Variants in ADAM22 observed in about 807,000 individuals in gnomAD.
The protein encoded by ADAM22 is ADAM metallopeptidase domain 22.
ADAM22 carries 65 observed loss-of-function variants against 144.6 expected under a neutral mutation model. The ratio of observed to expected loss-of-function variants is 0.45; its 90% CI spans 0.37 to 0.55. The LOEUF (loss-of-function observed/expected upper bound fraction) is 0.55. ADAM22 is among the 20% of genes least tolerant of loss of function. The pLI is 0.00. For missense variants in ADAM22, 974 were observed against 1,184.9 expected (o/e 0.82, Z 2.61); for synonymous variants, 391 against 412.6 (o/e 0.95, Z 0.63).
chr7:88,101,042 C>T (rs2129486556), intron 4 of ADAM22, among the ~76,000 whole-genome samples: 1 of 150,992 alleles, frequency 6.6e-6, no homozygotes, highest in South Asian at 2.1e-4. Flanking sequence ...GCCGTTAGTT[C>T]CTGCAAGGTG....
At chr7:88,100,150 A>G (rs1822528207) in intron 4 of ADAM22, among the ~76,000 whole-genome samples, 1 of 152,200 alleles carries the variant, frequency 6.6e-6, no homozygotes, top group South Asian at 2.1e-4. Context: ...CATCTTTGCA[A>G]CTTTTCTGTG....
intron 14 of ADAM22, among the ~76,000 whole-genome samples, chr7:88,137,341 T>C (rs531320149): frequency 3.7e-4 from 56 of 152,322 alleles, no homozygotes; most frequent in South Asian, 1.5e-3. Context: ...ACTTCATTAT[T>C]TAGATGCCCA....
intron 7 of ADAM22, among the ~76,000 whole-genome samples, chr7:88,122,524 T>G (rs896955884): frequency 3.9e-5 from 6 of 152,132 alleles, no homozygotes; most frequent in Non-Finnish European, 8.8e-5. Flanking sequence ...CAAAATACAT[T>G]CTCTTCCTCC....
intron 9 of ADAM22, 121 bp from the exon 10 acceptor site, chr7:88,130,267 G>T: frequency 8.4e-6 from 6 of 716,238 alleles, no homozygotes; most frequent in Non-Finnish European, 1.3e-5. Flanking sequence ...CATTTTTACA[G>T]AAAAGATTTT....
At chr7:88,142,911 G>C (rs948378883) in intron 14 of ADAM22, 115 bp from the exon 15 acceptor site, 15 of 601,224 alleles carry the variant, frequency 2.5e-5, no homozygotes, top group African/African-American at 5.6e-5. Flanking sequence ...TACATAAGTA[G>C]ACTTTATTCC....
chr7:88,119,552 G>A (rs191360706), intron 7 of ADAM22, among the ~76,000 whole-genome samples: 380 of 152,272 alleles, frequency 2.5e-3, no homozygotes, highest in African/African-American at 8.6e-3. Context: ...GCAATAGTGC[G>A]ATCTCGGCTC....
chr7:87,952,456 A>G (rs6955267), intron 2 of ADAM22, among the ~76,000 whole-genome samples: 83,613 of 151,780 alleles, frequency 0.55, 23,451 homozygotes, highest in African/African-American at 0.61. Context: ...ATTGATTTGC[A>G]TATATTGAAC....
chr7:88,185,037 C>A (rs547772781), intron 29 of ADAM22, among the ~76,000 whole-genome samples: 1 of 152,170 alleles, frequency 6.6e-6, no homozygotes, highest in Non-Finnish European at 1.5e-5. Flanking sequence ...GCTTTTTCTA[C>A]GGTTTTCCCC....
At chr7:87,970,483 G>A (rs571210891) in intron 2 of ADAM22, among the ~76,000 whole-genome samples, 23 of 152,116 alleles carry the variant, frequency 1.5e-4, no homozygotes, top group Non-Finnish European at 2.9e-4. Flanking sequence ...ACATCAATTC[G>A]TTATTCAGGT....
At chr7:88,035,045 G>C (rs1801181141) in intron 3 of ADAM22, among the ~76,000 whole-genome samples, 1 of 152,020 alleles carries the variant, frequency 6.6e-6, no homozygotes, top group Non-Finnish European at 1.5e-5. Flanking sequence ...TGGTAAATTT[G>C]GTGTTCCTGC....
At position 88,056,428 on chromosome 7, in the gene ADAM22, CTTACCA is replaced by C. The variant is rs1808275151; in HGVS notation, c.324-19194_324-19189del. ...GTTCCTCAGTAGCTTAACATGAAGCCTTACCATTATGCGTTGATTTCTCTTTTATAA... is the reference window on the plus strand; with the variant it reads ...GTTCCTCAGTAGCTTAACATGAAGCCTTATGCGTTGATTTCTCTTTTATAA... On this transcript the variant is annotated intron_variant, in intron 3 of 31. Coordinates refer to ENST00000413139, the MANE Select transcript of ADAM22 (RefSeq NM_001324418.2). 7.2e-5 allele frequency among the ~76,000 whole-genome samples: 11 copies of C among 152,248 alleles called. No individual in the cohort carries two copies. In the South Asian group the frequency reaches 2.3e-3, roughly 32 times the overall value.
chr7:87,934,585 C>A (rs1041521163), intron 1 of ADAM22, 35 bp downstream of exon 1: 7 of 1,582,992 alleles, frequency 4.4e-6, no homozygotes, highest in Non-Finnish European at 5.1e-6. Context: ...TTGGGCCATA[C>A]CATTTCCCGG....
intron 2 of ADAM22, among the ~76,000 whole-genome samples, chr7:87,961,477 C>T (rs990797777): frequency 1.3e-5 from 2 of 152,206 alleles, no homozygotes; most frequent in African/African-American, 4.8e-5. Context: ...CTCTTCCCCT[C>T]CTCTTCCTAT....
chr7:88,069,340 C>A (rs1221726526), intron 3 of ADAM22, among the ~76,000 whole-genome samples: 1 of 152,134 alleles, frequency 6.6e-6, no homozygotes, highest in African/African-American at 2.4e-5. Flanking sequence ...TATTGGACTT[C>A]CCAGCCTCTG....
intron 3 of ADAM22, among the ~76,000 whole-genome samples, chr7:88,013,680 C>G (rs1031787263): frequency 6.6e-6 from 1 of 152,180 alleles, no homozygotes; most frequent in South Asian, 2.1e-4. Flanking sequence ...CCATGCCTTG[C>G]CTCCCAAAGT....
chr7:88,101,321 G>A (rs1822861997), intron 4 of ADAM22, among the ~76,000 whole-genome samples: 1 of 152,106 alleles, frequency 6.6e-6, no homozygotes. Flanking sequence ...GCTGGTTCTA[G>A]GACCAGTGCC....
intron 3 of ADAM22, among the ~76,000 whole-genome samples, chr7:88,028,743 T>C (rs1799577131): frequency 6.6e-6 from 1 of 152,090 alleles, no homozygotes; most frequent in African/African-American, 2.4e-5. Flanking sequence ...TTGACCCTTT[T>C]CTCATTATAT....
At chr7:88,099,316 A>T (rs1017926032) in intron 4 of ADAM22, among the ~76,000 whole-genome samples, 2 of 152,210 alleles carry the variant, frequency 1.3e-5, no homozygotes, top group Non-Finnish European at 2.9e-5. Flanking sequence ...TTACTCTGGC[A>T]TTGGCAATAG....
chr7:87,958,545 C>T (rs1312962136), intron 2 of ADAM22, among the ~76,000 whole-genome samples: 3 of 151,922 alleles, frequency 2.0e-5, no homozygotes, highest in Non-Finnish European at 4.4e-5. Flanking sequence ...ACCATCATGC[C>T]CAGCTAATTT....
Sources: allele counts gnomAD v4.1 joint callset (sites outside exome capture counted in the v4.1 genomes callset), GRCh38; gene constraint gnomAD v4.1.1; transcripts MANE v1.5; gene names NCBI Gene and HGNC (gene_info 2026-07-23, HGNC 2026-07-21).